WASF2: variants seen among roughly 807,000 people sequenced by gnomAD.
WASF2 encodes the protein WASP family member 2.
Under a neutral mutation model 45.0 loss-of-function variants are expected in WASF2, and 14 were observed. The observed-to-expected ratio is 0.31, with a 90% CI of 0.21 to 0.49. The LOEUF (loss-of-function observed/expected upper bound fraction) is 0.49. WASF2 is among the 20% of genes least tolerant of loss of function. The pLI, the probability that WASF2 is intolerant of heterozygous loss-of-function variation, is 0.99. For missense variants in WASF2, 439 were observed against 636.1 expected, an observed-to-expected ratio of 0.69 and a Z score of 3.33; for synonymous variants, 200 against 236.3, an observed-to-expected ratio of 0.85 and a Z score of 1.41.
At chr1:27,468,637 G>A (rs1332906163) in intron 1 of WASF2, among the ~76,000 whole-genome samples, 43 of 146,704 alleles carry the variant, frequency 2.9e-4, no homozygotes, top group Non-Finnish European at 6.0e-4. Flanking sequence ...GCGAAACTCC[G>A]TCTCCGGGGA....
At chr1:27,472,091 C>T (rs1393890236) in intron 1 of WASF2, among the ~76,000 whole-genome samples, 1 of 152,058 alleles carries the variant, frequency 6.6e-6, no homozygotes, top group Non-Finnish European at 1.5e-5. Flanking sequence ...GCGGTACTTT[C>T]AGAGGCAGAG....
At chr1:27,461,018 C>T (rs1401884079) in intron 1 of WASF2, among the ~76,000 whole-genome samples, 2 of 151,996 alleles carry the variant, frequency 1.3e-5, no homozygotes, top group East Asian at 1.9e-4. Context: ...TGTTTGTGGG[C>T]GCCTGTAGTC....
intron 1 of WASF2, among the ~76,000 whole-genome samples, chr1:27,489,361 AC>A (rs1461754530): frequency 1.9e-4 from 26 of 139,174 alleles, no homozygotes; most frequent in African/African-American, 7.1e-4. Flanking sequence ...ACACACACAC[AC>A]ACACACACAC....
chr1:27,479,764 C>T (rs1347983060), intron 1 of WASF2, among the ~76,000 whole-genome samples: 1 of 152,146 alleles, frequency 6.6e-6, no homozygotes, highest in Non-Finnish European at 1.5e-5. Flanking sequence ...ACTCAGGAGG[C>T]TGGGGCAGGA....
At chr1:27,454,550 G>T (rs1003649663) in intron 1 of WASF2, among the ~76,000 whole-genome samples, 1 of 151,856 alleles carries the variant, frequency 6.6e-6, no homozygotes, top group East Asian at 1.9e-4. Flanking sequence ...GTTGTCCAGG[G>T]TGGTCTCGAA....
At chr1:27,427,747 G>A (rs1283833210) in intron 2 of WASF2, among the ~76,000 whole-genome samples, 1 of 152,144 alleles carries the variant, frequency 6.6e-6, no homozygotes, top group African/African-American at 2.4e-5. Context: ...AGGCTTTCTT[G>A]ATATTCCACT....
chr1:27,408,457 T>C (rs934688523), intron 8 of WASF2, 111 bp from the exon 9 acceptor site: 18 of 1,398,800 alleles, frequency 1.3e-5, no homozygotes, highest in East Asian at 9.8e-5. Context: ...TTGGAAAGGA[T>C]AGAGAAAAAG....
chr1:27,487,877 T>TA (rs2017969021), intron 1 of WASF2, among the ~76,000 whole-genome samples: 1 of 149,360 alleles, frequency 6.7e-6, no homozygotes, highest in African/African-American at 2.5e-5. Flanking sequence ...ATTTACTCAA[T>TA]AAAATGCTCT....
intron 1 of WASF2, among the ~76,000 whole-genome samples, chr1:27,458,749 C>T (rs569222727): frequency 3.4e-4 from 51 of 152,040 alleles, no homozygotes; most frequent in African/African-American, 1.1e-3. Flanking sequence ...GCCGAGATCA[C>T]GCCTCTGCAC....
At chr1:27,437,637 C>G (rs2017154681) in intron 1 of WASF2, among the ~76,000 whole-genome samples, 1 of 152,096 alleles carries the variant, frequency 6.6e-6, no homozygotes, top group Admixed American at 6.6e-5. Context: ...AATCTAATGC[C>G]AATTTCTAGT....
rs978633366 is a variant in WASF2, at chr1:27,414,384, A to C, written c.668+449T>G. ...GGCTAGCTTCTCTCCCATGACTGAC[A>C]AAGGCTGACTGAAAAGTTGCTTTGG... On this transcript the variant is annotated intron_variant, in intron 6 of 8. Transcript: ENST00000618852. This position sits in a 1 kb window ranked among gnomAD's most constrained non-coding sequence, Gnocchi z 4.1. 9.2e-5 allele frequency among the ~76,000 whole-genome samples: 14 copies of C among 152,206 alleles called. No homozygotes were observed. The highest frequency in any genetic ancestry group is 3.4e-4 in the African/African-American group (14 of 41,454).
At chr1:27,452,082 T>C (rs77269397) in intron 1 of WASF2, among the ~76,000 whole-genome samples, 1 of 152,348 alleles carries the variant, frequency 6.6e-6, no homozygotes, top group African/African-American at 2.4e-5. Flanking sequence ...ATTTAATTTC[T>C]CTGAGCCTCA....
intron 2 of WASF2, among the ~76,000 whole-genome samples, chr1:27,428,150 C>T (rs1350785003): frequency 3.3e-5 from 5 of 152,162 alleles, no homozygotes; most frequent in Admixed American, 2.0e-4. Context: ...GTTCACACAG[C>T]TTGCAAAACT....
intron 1 of WASF2, among the ~76,000 whole-genome samples, chr1:27,431,892 G>A (rs1172406395): frequency 6.6e-6 from 1 of 152,180 alleles, no homozygotes; most frequent in African/African-American, 2.4e-5. Flanking sequence ...CAGCGGGAGG[G>A]TACTCGAGAA....
intron 2 of WASF2, among the ~76,000 whole-genome samples, chr1:27,422,567 C>A (rs1028078381): frequency 3.6e-5 from 5 of 137,488 alleles, no homozygotes; most frequent in Non-Finnish European, 6.1e-5. Flanking sequence ...TGCAGTGAGC[C>A]GAGATTGTGC....
chr1:27,482,427 T>C (rs1393897737), intron 1 of WASF2, among the ~76,000 whole-genome samples: 1 of 152,182 alleles, frequency 6.6e-6, no homozygotes. Flanking sequence ...GCTCAAAAAT[T>C]AGCAAGAATC....
chr1:27,468,610 C>T (rs1378195560), intron 1 of WASF2, among the ~76,000 whole-genome samples: 1 of 151,566 alleles, frequency 6.6e-6, no homozygotes, highest in African/African-American at 2.4e-5. Context: ...CATTGCACTC[C>T]AGCCTGGGCG....
chr1:27,443,739 A>G (rs9438562), intron 1 of WASF2, among the ~76,000 whole-genome samples: 149,651 of 152,220 alleles, frequency 0.98, 73,607 homozygotes, highest in Middle Eastern at 1. Context: ...AGCCTCATCC[A>G]TAAAATAGGG....
At chr1:27,436,459 A>G (rs1224115046) in intron 1 of WASF2, among the ~76,000 whole-genome samples, 1 of 152,160 alleles carries the variant, frequency 6.6e-6, no homozygotes, top group African/African-American at 2.4e-5. Context: ...CCTGTCTCAA[A>G]AAGAAAGAAA....
Sources: allele counts gnomAD v4.1 joint callset (sites outside exome capture counted in the v4.1 genomes callset), GRCh38; gene constraint gnomAD v4.1.1; non-coding constraint Gnocchi (gnomAD v3.1); transcripts MANE v1.5; gene names NCBI Gene and HGNC (gene_info 2026-07-23, HGNC 2026-07-21).